Variants in BCAS1 observed in about 807,000 individuals in gnomAD.
BCAS1 encodes breast carcinoma-amplified sequence 1.
Under a neutral mutation model 65.4 loss-of-function variants are expected in BCAS1, and 46 were observed. The observed-to-expected ratio is 0.70, with a 90% CI of 0.55 to 0.90. The LOEUF is 0.90. Among genes scored for constraint, BCAS1 ranks in the 40% least tolerant of loss-of-function variants. BCAS1 has a pLI of 0.00. For missense variants in BCAS1, 793 were observed against 771.2 expected (o/e 1.03, Z -0.33); for synonymous variants, 298 against 293.5 (o/e 1.02, Z -0.16).
At chr20:53,977,007 TCA>T (rs2090351524) in intron 8 of BCAS1, among the ~76,000 whole-genome samples, 1 of 152,326 alleles carries the variant, frequency 6.6e-6, no homozygotes, top group Admixed American at 6.5e-5. Context: ...CATAATGGAC[TCA>T]CAGTTCCACA....
chr20:53,982,675 A>G (rs1470326908), intron 8 of BCAS1, among the ~76,000 whole-genome samples: 1 of 152,178 alleles, frequency 6.6e-6, no homozygotes. Flanking sequence ...TACAAGGGTG[A>G]TTTTATAATC....
intron 9 of BCAS1, among the ~76,000 whole-genome samples, chr20:53,973,510 C>T (rs924150145): frequency 1.3e-5 from 2 of 152,176 alleles, no homozygotes; most frequent in Non-Finnish European, 2.9e-5. Context: ...ATCAACTCTG[C>T]ATTTTAGCAT....
chr20:53,947,080 T>G (rs1164903751), intron 12 of BCAS1, among the ~76,000 whole-genome samples: 1 of 152,140 alleles, frequency 6.6e-6, no homozygotes, highest in Non-Finnish European at 1.5e-5. Context: ...TGTAATTTCA[T>G]GTAATTTACC....
intron 9 of BCAS1, among the ~76,000 whole-genome samples, chr20:53,968,054 G>A (rs937620913): frequency 2.0e-5 from 3 of 152,298 alleles, no homozygotes; most frequent in Admixed American, 6.5e-5. Context: ...AAATGAGGTC[G>A]TGCTACGTTG....
intron 10 of BCAS1, among the ~76,000 whole-genome samples, chr20:53,958,277 G>A (rs538418919): frequency 9.2e-5 from 14 of 152,236 alleles, no homozygotes; most frequent in African/African-American, 2.4e-4. Context: ...TGGTTTTAAC[G>A]GTGCATTTAG....
intron 7 of BCAS1, among the ~76,000 whole-genome samples, chr20:53,986,160 G>A (rs761790019): frequency 6.6e-6 from 1 of 152,032 alleles, no homozygotes; most frequent in Non-Finnish European, 1.5e-5. Flanking sequence ...TTATCCATTC[G>A]GTCTTTATTT....
intron 1 of BCAS1, 31 bp from the exon 2 acceptor site, chr20:54,058,754 A>G (rs1324452911): frequency 1.2e-6 from 2 of 1,605,146 alleles, no homozygotes; most frequent in Admixed American, 1.7e-5. Context: ...GGAAGAGAGA[A>G]AGAAATCAAA....
intron 12 of BCAS1, among the ~76,000 whole-genome samples, chr20:53,947,208 T>C (rs993627747): frequency 3.3e-5 from 5 of 152,210 alleles, no homozygotes; most frequent in African/African-American, 1.2e-4. Flanking sequence ...AAAATGGGAA[T>C]TCACAGGGTA....
intron 10 of BCAS1, among the ~76,000 whole-genome samples, chr20:53,964,614 G>C (rs1265656856): frequency 1.3e-5 from 2 of 152,140 alleles, no homozygotes; most frequent in East Asian, 3.9e-4. Context: ...ATAGCGAATT[G>C]ATTCCAAAGG....
chr20:53,994,950 A>C, intron 6 of BCAS1, 62 bp downstream of exon 6: 2 of 1,459,158 alleles, frequency 1.4e-6, no homozygotes, highest in Non-Finnish European at 1.9e-6. Flanking sequence ...AGGCAGACAC[A>C]AATCCAAATC....
chr20:54,066,333 A>T lies in BCAS1; in HGVS notation c.-6+4100T>A, dbSNP rs188809177. ...GTGATCCGCCCGCCTTGGCCTCCCA[A>T]AGTGCTGGGATTACAGGCGTGAGCC... On this transcript the variant is annotated intron_variant, in intron 1 of 12. Coordinates refer to ENST00000688948, the MANE Select transcript of BCAS1 (RefSeq NM_001366298.2). Among the ~76,000 whole-genome samples, 388 of 152,198 alleles carry T rather than the reference A, an allele frequency of 2.5e-3. 6 individuals carry two copies. Among genetic ancestry groups the T allele is most frequent in the Admixed American group, 0.024 (367 of 15,290 alleles).
rs1254778989 is a variant in BCAS1 at position 53,985,319 on chromosome 20, A to G, written c.1243T>C (p.Ser415Pro). 1.2e-6 allele frequency: 2 copies of G among 1,613,776 alleles called. No homozygotes were observed. The highest frequency in any genetic ancestry group is 1.7e-6 in the Non-Finnish European group (2 of 1,179,954). Residue 415 changes from serine (S) to proline (P), a missense_variant, in exon 8 of 13, where the codon TCT (serine) becomes CCT (proline). By Grantham distance (74) the Ser-to-Pro change is moderately conservative (BLOSUM62 -1). Coordinates refer to ENST00000688948, the MANE Select transcript of BCAS1 (RefSeq NM_001366298.2). ...EGTKEKSGPT[S>P]LPLGKLFWKK... Reference sequence around the variant, plus strand: ...CAAAACAGTTTGCCCAGAGGCAGAGAGGTGGGTCCTGATTTCTCCTTGGTG... The same window carrying G: ...CAAAACAGTTTGCCCAGAGGCAGAGGGGTGGGTCCTGATTTCTCCTTGGTG...
chr20:53,953,190 T>A (rs982293317), intron 12 of BCAS1, among the ~76,000 whole-genome samples: 1 of 152,188 alleles, frequency 6.6e-6, no homozygotes, highest in South Asian at 2.1e-4. Context: ...GAGTTAGGCA[T>A]CATTATGTAT....
intron 9 of BCAS1, among the ~76,000 whole-genome samples, chr20:53,973,685 T>A (rs567846902): frequency 2.6e-5 from 4 of 152,196 alleles, no homozygotes; most frequent in Non-Finnish European, 5.9e-5. Flanking sequence ...GGAGTCCTCC[T>A]TGTAGGTTGC....
At chr20:53,950,947 T>G (rs546880243) in intron 12 of BCAS1, among the ~76,000 whole-genome samples, 1 of 152,366 alleles carries the variant, frequency 6.6e-6, no homozygotes, top group South Asian at 2.1e-4. Context: ...GGGTTGCATT[T>G]TTAATACCCC....
chr20:53,983,509 A>C (rs1438745587), intron 8 of BCAS1, among the ~76,000 whole-genome samples: 4 of 152,170 alleles, frequency 2.6e-5, no homozygotes, highest in Admixed American at 2.6e-4. Context: ...AGTGTTTCTC[A>C]AACTTTAGCC....
At chr20:53,991,090 T>A (rs1208420261) in intron 7 of BCAS1, among the ~76,000 whole-genome samples, 1 of 152,208 alleles carries the variant, frequency 6.6e-6, no homozygotes. Flanking sequence ...AATGTCATAA[T>A]GAAAGGCAGA....
intron 12 of BCAS1, among the ~76,000 whole-genome samples, chr20:53,945,366 A>C (rs1360556426): frequency 2.0e-5 from 3 of 151,808 alleles, no homozygotes; most frequent in Admixed American, 2.0e-4. Flanking sequence ...CTCCCTCCCC[A>C]GTTACCATCT....
At chr20:53,969,696 C>T (rs1045801675) in intron 9 of BCAS1, among the ~76,000 whole-genome samples, 2 of 152,116 alleles carry the variant, frequency 1.3e-5, no homozygotes, top group African/African-American at 4.8e-5. Flanking sequence ...CTCCACTATT[C>T]TTGGCATGCT....
Sources: allele counts gnomAD v4.1 joint callset (sites outside exome capture counted in the v4.1 genomes callset), GRCh38; gene constraint gnomAD v4.1.1; transcripts MANE v1.5; gene names NCBI Gene and HGNC (gene_info 2026-07-23, HGNC 2026-07-21).